Variants in DGKB observed in about 807,000 individuals in gnomAD.
The protein encoded by DGKB is 90 kDa diacylglycerol kinase.
DGKB carries 67 observed loss-of-function variants against 114.3 expected under a neutral mutation model. The observed-to-expected ratio is 0.59, with a 90% CI of 0.48 to 0.72. DGKB has a LOEUF of 0.72. Ranked by LOEUF, DGKB falls within the 30% of genes least tolerant of loss-of-function variation. The pLI is 0.00. For missense variants in DGKB, 907 were observed against 975.2 expected (o/e 0.93, Z 0.93); for synonymous variants, 398 against 323.1 (o/e 1.23, Z -2.49).
chr7:14,831,501 C>G (rs1846407944), intron 2 of DGKB, among the ~76,000 whole-genome samples: 1 of 151,982 alleles, frequency 6.6e-6, no homozygotes, highest in Non-Finnish European at 1.5e-5. Flanking sequence ...ATAAAAGACT[C>G]AGATTCCCTA....
At chr7:14,915,565 T>C (rs1784202583) in intron 1 of DGKB, among the ~76,000 whole-genome samples, 1 of 152,014 alleles carries the variant, frequency 6.6e-6, no homozygotes, top group South Asian at 2.1e-4. Context: ...TATTGACAAA[T>C]GTGAGAAAAT....
chr7:14,861,976 A>G (rs1179124313), intron 1 of DGKB, among the ~76,000 whole-genome samples: 1 of 152,036 alleles, frequency 6.6e-6, no homozygotes, highest in East Asian at 1.9e-4. Flanking sequence ...TTTCTCATTT[A>G]TATGACCACC....
At chr7:14,754,727 C>T (rs1370390227) in intron 3 of DGKB, among the ~76,000 whole-genome samples, 3 of 152,110 alleles carry the variant, frequency 2.0e-5, no homozygotes, top group Admixed American at 6.6e-5. Context: ...GCTGTAATAA[C>T]GTTCTTAACA....
chr7:14,664,474 G>T (rs930635454), intron 13 of DGKB, among the ~76,000 whole-genome samples: 3 of 151,880 alleles, frequency 2.0e-5, no homozygotes, highest in Non-Finnish European at 4.4e-5. Context: ...GGATAAAGCC[G>T]ATCTCCTTGA....
intron 5 of DGKB, 78 bp from the exon 6 acceptor site, chr7:14,718,763 A>T: frequency 9.4e-7 from 1 of 1,063,272 alleles, no homozygotes; most frequent in Non-Finnish European, 1.4e-6. Context: ...GAAAATAGAG[A>T]ACACACAGGC....
intron 4 of DGKB, among the ~76,000 whole-genome samples, chr7:14,747,826 T>C (rs541809674): frequency 6.8e-6 from 1 of 148,066 alleles, no homozygotes; most frequent in South Asian, 2.2e-4. Context: ...TAAAAACTGC[T>C]TTCTCATTTT....
At chr7:14,677,641 A>G (rs1820099270) in intron 12 of DGKB, among the ~76,000 whole-genome samples, 2 of 152,024 alleles carry the variant, frequency 1.3e-5, no homozygotes, top group African/African-American at 4.8e-5. Flanking sequence ...GCTTACCTTG[A>G]CAAGCAATGA....
chr7:14,505,676 C>G (rs956007453), intron 20 of DGKB, among the ~76,000 whole-genome samples: 10 of 152,106 alleles, frequency 6.6e-5, no homozygotes, highest in Admixed American at 1.3e-4. Context: ...CACCTTTAGG[C>G]TCTTTGTGAA....
chr7:14,273,111 G>C (rs953498803), intron 23 of DGKB, among the ~76,000 whole-genome samples: 4 of 152,264 alleles, frequency 2.6e-5, no homozygotes, highest in African/African-American at 7.2e-5. Flanking sequence ...TTGGGAGGTG[G>C]AGGCAGGTGG....
intron 2 of DGKB, among the ~76,000 whole-genome samples, chr7:14,838,472 A>T (rs1847454854): frequency 6.6e-6 from 1 of 152,192 alleles, no homozygotes; most frequent in African/African-American, 2.4e-5. Context: ...TCTTTACTTG[A>T]CAGATATCAC....
chr7:14,929,325 T>G (rs1448117636), intron 1 of DGKB, among the ~76,000 whole-genome samples: 1 of 152,106 alleles, frequency 6.6e-6, no homozygotes, highest in African/African-American at 2.4e-5. Flanking sequence ...TTCATAGAGG[T>G]TGTACTAAAG....
At chr7:14,571,246 T>C (rs537263608) in intron 20 of DGKB, among the ~76,000 whole-genome samples, 1 of 152,356 alleles carries the variant, frequency 6.6e-6, no homozygotes, top group South Asian at 2.1e-4. Flanking sequence ...TTCATTAGCC[T>C]TCAGCTCCCT....
intron 23 of DGKB, among the ~76,000 whole-genome samples, chr7:14,220,103 G>A (rs1447837871): frequency 2.0e-5 from 3 of 151,430 alleles, no homozygotes; most frequent in East Asian, 1.9e-4. Flanking sequence ...ATTGCTCCCC[G>A]GCTACAAAAC....
chr7:14,620,861 TAAATTTTGACTTA>T (rs1388625658), intron 15 of DGKB, among the ~76,000 whole-genome samples: 49 of 151,938 alleles, frequency 3.2e-4, no homozygotes, highest in Admixed American at 9.9e-4. Context: ...ATTTGAGGTT[TAAATTTTGACTTA>T]AAATTTTGAC....
At chr7:14,378,005 A>G (rs1818778963) in intron 21 of DGKB, among the ~76,000 whole-genome samples, 1 of 152,202 alleles carries the variant, frequency 6.6e-6, no homozygotes, top group African/African-American at 2.4e-5. Flanking sequence ...TGGATCTGCT[A>G]GCCTACTAAA....
At chr7:14,535,429 T>G (rs983041543) in intron 20 of DGKB, among the ~76,000 whole-genome samples, 46 of 146,198 alleles carry the variant, frequency 3.1e-4, no homozygotes, top group African/African-American at 1.2e-3. Flanking sequence ...AGAAGAAGTA[T>G]CTCAAATCAA....
chr7:14,624,422 G>T (rs2128823703), intron 14 of DGKB, among the ~76,000 whole-genome samples: 1 of 152,224 alleles, frequency 6.6e-6, no homozygotes, highest in South Asian at 2.1e-4. Flanking sequence ...AATTCAATTT[G>T]ATTAGTTACA....
intron 1 of DGKB, among the ~76,000 whole-genome samples, chr7:14,857,879 C>A (rs1311712901): frequency 1.3e-5 from 2 of 151,680 alleles, no homozygotes; most frequent in African/African-American, 4.8e-5. Context: ...TTTTTCATAC[C>A]ACATTCAGTT....
At chr7:14,812,356 G>A (rs1843558398) in intron 2 of DGKB, among the ~76,000 whole-genome samples, 1 of 151,848 alleles carries the variant, frequency 6.6e-6, no homozygotes, top group Admixed American at 6.6e-5. Flanking sequence ...TGGTATTGAA[G>A]TTTTCTTTCA....
Sources: allele counts gnomAD v4.1 joint callset (sites outside exome capture counted in the v4.1 genomes callset), GRCh38; gene constraint gnomAD v4.1.1; transcripts MANE v1.5; gene names NCBI Gene and HGNC (gene_info 2026-07-23, HGNC 2026-07-21).